The following CASC3 variants were observed in gnomAD, a reference collection of about 807,000 sequenced individuals.
CASC3 encodes the protein CASC3 exon junction complex subunit.
CASC3 carries 30 observed loss-of-function variants against 80.5 expected under a neutral mutation model. That is an observed-to-expected ratio of 0.37 (90% confidence interval 0.28 to 0.51). CASC3 has a LOEUF of 0.51. CASC3 is among the 20% of genes least tolerant of loss of function. The pLI is 0.94. For missense variants in CASC3, 824 were observed against 922.2 expected, an observed-to-expected ratio of 0.89 and a Z score of 1.38; for synonymous variants, 312 against 333.6, an observed-to-expected ratio of 0.94 and a Z score of 0.70.
Position 40,163,598 on chromosome 17 carries a change from T to A in CASC3, c.903T>A (p.Ala301=). The A allele has an allele frequency of 6.2e-7, 1 of 1,614,158 alleles. No homozygotes were observed. Among genetic ancestry groups the A allele is most frequent in the Non-Finnish European group, 8.5e-7 (1 of 1,180,010 alleles). ...CAAGGACATTTATTAACAGGAATGC[T>A]GCAGGTACCGGCCGTATGTCTGCAC... The part of the protein sequence containing the change: ...LPPRTFINRN[A]AGTGRMSAPR... The change falls in exon 7 of 14, where the codon GCT becomes GCA. Residue 301 remains alanine (A), a synonymous_variant. Transcript: ENST00000264645.
intron 6 of CASC3, 146 bp downstream of exon 6, chr17:40,163,047 C>G (rs2145176634): frequency 3.7e-6 from 2 of 543,112 alleles, no homozygotes; most frequent in Admixed American, 3.2e-5. Context: ...ATAGTGAGAC[C>G]CTGTCTCCAA....
At chr17:40,151,582 T>C (rs1989009378) in intron 3 of CASC3, among the ~76,000 whole-genome samples, 1 of 151,038 alleles carries the variant, frequency 6.6e-6, no homozygotes, top group African/African-American at 2.4e-5. Context: ...TAGTCCCAGC[T>C]ACTTGGCAAG....
chr17:40,151,008 C>T (rs1461087524), intron 3 of CASC3, among the ~76,000 whole-genome samples: 1 of 151,570 alleles, frequency 6.6e-6, no homozygotes, highest in Non-Finnish European at 1.5e-5. Flanking sequence ...GTGAGACTCC[C>T]TCTCAAAAAA....
chr17:40,149,979 A>G (rs757867923), intron 3 of CASC3, among the ~76,000 whole-genome samples: 1 of 152,206 alleles, frequency 6.6e-6, no homozygotes, highest in Non-Finnish European at 1.5e-5. Context: ...GACTAAGTAC[A>G]TGAGAAGATG....
At chr17:40,148,831 C>T (rs147408308) in intron 3 of CASC3, among the ~76,000 whole-genome samples, 124 of 152,284 alleles carry the variant, frequency 8.1e-4, no homozygotes, top group Non-Finnish European at 1.6e-3. Context: ...CTTTGTTATG[C>T]ACTTACATTT....
In CASC3 at chr17:40,169,658, T is replaced by C. The variant is rs374000998; in HGVS notation, c.*37T>C. ...GAATATTTTAAATCTTAACATCATA[T>C]AAAAGTAAGTGCACAACTTACTGTG... On this transcript the variant is annotated 3_prime_UTR_variant, in exon 13 of 14. Transcript: ENST00000264645. The C allele has an allele frequency of 6.8e-7, 1 of 1,479,014 alleles. No homozygotes were observed. Among genetic ancestry groups the C allele is most frequent in the Non-Finnish European group, 9.1e-7 (1 of 1,093,506 alleles). The allele number at this position is 1,479,014 out of a possible 1,614,324, so 91.6% of individuals were successfully genotyped here. A position where few individuals can be genotyped will look rare whatever the true frequency, so the allele number is the denominator to read the frequency against.
At chr17:40,150,963 A>T (rs1032003995) in intron 3 of CASC3, among the ~76,000 whole-genome samples, 1 of 151,964 alleles carries the variant, frequency 6.6e-6, no homozygotes, top group Non-Finnish European at 1.5e-5. Context: ...CAGTGAGCCG[A>T]GATCACGCCA....
intron 3 of CASC3, among the ~76,000 whole-genome samples, chr17:40,143,963 T>A (rs1198670928): frequency 6.6e-6 from 1 of 150,814 alleles, no homozygotes; most frequent in South Asian, 2.1e-4. Flanking sequence ...TATAAAAATA[T>A]CTCATGGGCC....
chr17:40,167,417 T>G, intron 8 of CASC3, 81 bp from the exon 9 acceptor site: 1 of 960,436 alleles, frequency 1.0e-6, no homozygotes, highest in South Asian at 1.4e-5. Flanking sequence ...ACCAAGTGTT[T>G]TTCAACACCT....
At chr17:40,158,671 C>G (rs778367596) in intron 3 of CASC3, among the ~76,000 whole-genome samples, 1 of 152,112 alleles carries the variant, frequency 6.6e-6, no homozygotes, top group Non-Finnish European at 1.5e-5. Flanking sequence ...AACAGTGTTA[C>G]CCAATCTTGA....
chr17:40,143,661 C>A (rs111872606), intron 3 of CASC3, among the ~76,000 whole-genome samples: 2 of 151,338 alleles, frequency 1.3e-5, no homozygotes, highest in Non-Finnish European at 2.9e-5. Context: ...GAAATCTCGT[C>A]TCTACTAAAA....
At chr17:40,167,217 C>A (rs1989472242) in intron 8 of CASC3, 1 of 520,032 alleles carries the variant, frequency 1.9e-6, no homozygotes, top group Non-Finnish European at 3.4e-6. Flanking sequence ...CCCTGGCCTC[C>A]CAAAGTATTG....
At chr17:40,148,192 C>A (rs1430876792) in intron 3 of CASC3, among the ~76,000 whole-genome samples, 1 of 152,078 alleles carries the variant, frequency 6.6e-6, no homozygotes, top group African/African-American at 2.4e-5. Flanking sequence ...TGGTGGCTTG[C>A]TTTCTGAGAT....
intron 7 of CASC3, among the ~76,000 whole-genome samples, chr17:40,165,760 T>G (rs1277425968): frequency 5.9e-5 from 9 of 151,372 alleles, no homozygotes; most frequent in African/African-American, 9.7e-5. Context: ...AGTTTTTTTT[T>G]TTGTTTTTTT....
intron 3 of CASC3, among the ~76,000 whole-genome samples, chr17:40,157,598 C>T (rs1281360187): frequency 6.6e-6 from 1 of 152,068 alleles, no homozygotes; most frequent in Non-Finnish European, 1.5e-5. Context: ...TTGCTTGAAC[C>T]CAGGAGGTGG....
chr17:40,167,455 C>A, intron 8 of CASC3, 43 bp from the exon 9 acceptor site: 1 of 1,386,950 alleles, frequency 7.2e-7, no homozygotes, highest in Non-Finnish European at 1.0e-6. Context: ...GATATGAGAG[C>A]CCTCTAGAAT....
At chr17:40,141,062 C>T (rs1479129298) in intron 1 of CASC3, 145 bp from the exon 2 acceptor site, 7 of 782,090 alleles carry the variant, frequency 9.0e-6, no homozygotes, top group Non-Finnish European at 1.3e-5. Context: ...CCTGCCTTGG[C>T]TACTACTTGA....
At position 40,169,486 on chromosome 17, in the gene CASC3, T is replaced by C; in HGVS notation, c.2088+40T>C. 5.7e-6 allele frequency: 9 copies of C among 1,584,600 alleles called. No individual in the cohort carries two copies. The South Asian group carries it at 1.0e-4, about 18-fold the overall frequency. On this transcript the variant is annotated intron_variant, in intron 12 of 13. Coordinates refer to ENST00000264645, the MANE Select transcript of CASC3 (RefSeq NM_007359.5). Reference sequence around the variant, plus strand: ...TCCTATACTTAATGCACATGCTCCGTCAGTGGGCTTTCCTTCTCCCCAGAG... The same window carrying C: ...TCCTATACTTAATGCACATGCTCCGCCAGTGGGCTTTCCTTCTCCCCAGAG...
chr17:40,154,723 C>A (rs953196566), intron 3 of CASC3, among the ~76,000 whole-genome samples: 1 of 152,096 alleles, frequency 6.6e-6, no homozygotes, highest in Non-Finnish European at 1.5e-5. Context: ...CCTTTTGTTG[C>A]AGATGCTTTT....
Sources: gnomAD v4.1 joint callset for allele counts (sites outside exome capture counted in the v4.1 genomes callset) on GRCh38, gnomAD v4.1.1 for gene constraint, MANE v1.5 for transcripts, NCBI Gene and HGNC (gene_info 2026-07-23, HGNC 2026-07-21) for gene names.